Variants in ATL2 observed in about 807,000 individuals in gnomAD.
ATL2 encodes the protein atlastin GTPase 2, also known as atlastin-2.
Under a neutral mutation model 73.9 loss-of-function variants are expected in ATL2, and 31 were observed. That is an observed-to-expected ratio of 0.42 (90% CI 0.32 to 0.57). The LOEUF is 0.57. Among genes scored for constraint, ATL2 ranks in the 20% least tolerant of loss-of-function variants. ATL2 has a pLI of 0.14. For synonymous variants in ATL2, 291 were observed against 237.5 expected (o/e 1.23, Z -2.07); for missense variants, 738 against 702.6 (o/e 1.05, Z -0.57).
At chr2:38,312,184 T>C (rs1667789292) in intron 7 of ATL2, among the ~76,000 whole-genome samples, 1 of 152,162 alleles carries the variant, frequency 6.6e-6, no homozygotes, top group Non-Finnish European at 1.5e-5. Flanking sequence ...CCTGTAAGTA[T>C]CTGACCTGCA....
intron 3 of ATL2, 55 bp from the exon 4 acceptor site, chr2:38,318,694 A>T (rs1462056887): frequency 1.5e-5 from 21 of 1,415,134 alleles, no homozygotes; most frequent in Non-Finnish European, 2.0e-5. Flanking sequence ...AAATGACTAT[A>T]AAAAAAATCA....
chr2:38,325,194 T>G (rs919635899), intron 2 of ATL2, among the ~76,000 whole-genome samples: 13 of 152,170 alleles, frequency 8.5e-5, no homozygotes, highest in Non-Finnish European at 1.8e-4. Context: ...AGTTTAGAAG[T>G]CATCAGACCT....
chr2:38,342,963 C>T (rs896647190), intron 2 of ATL2, among the ~76,000 whole-genome samples: 1 of 149,988 alleles, frequency 6.7e-6, no homozygotes, highest in East Asian at 1.9e-4. Context: ...AAGTGAGACC[C>T]CCATAGCTAC....
In ATL2 at chr2:38,334,926, ATAT is replaced by A. The variant is rs1426710899; in HGVS notation, c.363+8339_363+8341del. On this transcript the variant is annotated intron_variant, in intron 2 of 12. Coordinates refer to ENST00000378954, the MANE Select transcript of ATL2 (RefSeq NM_001135673.4). ...ATTTATAATATATAAATATATTTAT[ATAT>A]TATAATATATAACATTTATATAATA... is the stretch of plus-strand genomic sequence containing the variant. Among the ~76,000 whole-genome samples the A allele has an allele frequency of 9.9e-5, 13 of 130,994 alleles. 1 individual carries two copies. The highest frequency in any genetic ancestry group is 2.2e-4 in the South Asian group (1 of 4,638). 85.9% of individuals were successfully genotyped at this position (130,994 alleles called of 152,430 possible).
intron 9 of ATL2, among the ~76,000 whole-genome samples, chr2:38,303,252 C>T (rs1667276313): frequency 6.6e-6 from 1 of 152,138 alleles, no homozygotes; most frequent in Non-Finnish European, 1.5e-5. Flanking sequence ...GTCTCCCAGA[C>T]TGGAGTGCAA....
intron 9 of ATL2, among the ~76,000 whole-genome samples, chr2:38,300,902 T>C (rs1667152441): frequency 6.6e-6 from 1 of 151,652 alleles, no homozygotes; most frequent in African/African-American, 2.4e-5. Context: ...AAAAACTAAT[T>C]TGTGGTTTAA....
Position 38,294,421 on chromosome 2 carries a change from A to T in ATL2, c.*1573T>A, listed in dbSNP as rs1478083328. ...ACATTAGCCGGGAATGGTGGCACGC[A>T]CCTGTAGTCCCAGCTACTCAGGAGG... On this transcript the variant is annotated 3_prime_UTR_variant, in exon 13 of 13. Coordinates refer to ENST00000378954, the MANE Select transcript of ATL2 (RefSeq NM_001135673.4). Among the ~76,000 whole-genome samples, 1 of 152,108 alleles carries T rather than the reference A, an allele frequency of 6.6e-6. No homozygotes were observed. Among genetic ancestry groups the T allele is most frequent in the East Asian group, 1.9e-4 (1 of 5,182 alleles).
intron 2 of ATL2, among the ~76,000 whole-genome samples, chr2:38,321,460 G>A (rs1384378409): frequency 6.6e-6 from 1 of 152,100 alleles, no homozygotes; most frequent in Admixed American, 6.6e-5. Flanking sequence ...ACCCTTCACA[G>A]GAATCAGAAG....
chr2:38,344,997 G>C (rs1371755254), intron 1 of ATL2, among the ~76,000 whole-genome samples: 2 of 152,124 alleles, frequency 1.3e-5, no homozygotes, highest in Non-Finnish European at 2.9e-5. Context: ...AAATAGCAGA[G>C]ATAAACTTCC....
chr2:38,362,834 G>T lies in ATL2; in HGVS notation c.118+14309C>A, dbSNP rs1285495601. Among the ~76,000 whole-genome samples the T allele has an allele frequency of 3.3e-5, 5 of 152,184 alleles. No homozygotes were observed. The East Asian group carries it at 9.6e-4, about 29-fold the overall frequency. On this transcript the variant is annotated intron_variant, in intron 1 of 12. Transcript: ENST00000378954. ...CAGAGAAAAGTAAAGCGAGCCAAGGGAAATGGAGGCAGGAGTTGTCATTGA... is the reference window on the plus strand; with the variant it reads ...CAGAGAAAAGTAAAGCGAGCCAAGGTAAATGGAGGCAGGAGTTGTCATTGA...
chr2:38,295,983 G>A lies in ATL2; in HGVS notation c.*11C>T, dbSNP rs780287392. ...AAAAAAAGAGAGTGGAGTCCGTGAG[G>A]AGATGAACTGTCAGTCTGTCTTTAA... On this transcript the variant is annotated 3_prime_UTR_variant, in exon 13 of 13. Transcript: ENST00000378954. 3.3e-6 allele frequency: 5 copies of A among 1,530,056 alleles called. No individual in the cohort carries two copies. Among genetic ancestry groups the A allele is most frequent in the African/African-American group, 1.4e-5 (1 of 72,464 alleles). 94.8% of individuals were successfully genotyped at this position (1,530,056 alleles called of 1,614,324 possible).
chr2:38,336,256 T>C (rs1288696703), intron 2 of ATL2, among the ~76,000 whole-genome samples: 1 of 152,226 alleles, frequency 6.6e-6, no homozygotes, highest in Non-Finnish European at 1.5e-5. Flanking sequence ...TGTGGCAAGT[T>C]ATATGTAGCA....
At chr2:38,314,965 T>A (rs1667948017) in intron 5 of ATL2, among the ~76,000 whole-genome samples, 1 of 152,240 alleles carries the variant, frequency 6.6e-6, no homozygotes, top group Non-Finnish European at 1.5e-5. Context: ...AAATATGTGC[T>A]CGCAGACGGG....
At chr2:38,345,866 T>C (rs1176018289) in intron 1 of ATL2, among the ~76,000 whole-genome samples, 1 of 152,236 alleles carries the variant, frequency 6.6e-6, no homozygotes, top group Admixed American at 6.5e-5. Flanking sequence ...AATGGGTGTG[T>C]GTCAAACAGG....
intron 2 of ATL2, among the ~76,000 whole-genome samples, chr2:38,341,806 C>G (rs1394895713): frequency 6.6e-6 from 1 of 152,170 alleles, no homozygotes; most frequent in Non-Finnish European, 1.5e-5. Context: ...TGAAAAGCTT[C>G]CTGGAAAACC....
rs566605509 is a variant in ATL2 at position 38,323,571 on chromosome 2, A to G, written c.364-4552T>C. Among the ~76,000 whole-genome samples, 5 of 152,184 alleles carry G rather than the reference A, an allele frequency of 3.3e-5. No homozygotes were observed. The South Asian group carries it at 1.0e-3, about 32-fold the overall frequency. ...GCCAAAAAGACGTTCTACATAATATAATTATCAGCAATTAAGAAACCTTAC... is the reference window on the plus strand; with the variant it reads ...GCCAAAAAGACGTTCTACATAATATGATTATCAGCAATTAAGAAACCTTAC... On this transcript the variant is annotated intron_variant, in intron 2 of 12. Transcript: ENST00000378954.
rs189535416 is a variant in ATL2 at position 38,319,121 on chromosome 2, G to A, written c.364-102C>T. On this transcript the variant is annotated intron_variant, in intron 2 of 12. Transcript: ENST00000378954. ...TTTTACAGATGGGGAAGCTAAACCC[G>A]GAAAGACAAAAAAAACACTGTGTAA... The A allele has an allele frequency of 2.6e-3, 3,238 of 1,269,626 alleles. 11 individuals are homozygous for A. Among genetic ancestry groups the A allele is most frequent in the Non-Finnish European group, 2.6e-3 (2,358 of 909,806 alleles). 78.6% of individuals were successfully genotyped at this position (1,269,626 alleles called of 1,614,324 possible).
rs557902000 is a variant in ATL2 at position 38,298,219 on chromosome 2, T to C, written c.1557A>G (p.Ala519=). The part of the protein sequence containing the change: ...GLALIFLCTW[A]YVKYSGEFRE... Reference sequence around the variant, plus strand: ...TGAACTCCCCAGAGTATTTAACATATGCCCAAGTACAAAGAAATATCAGTG... The same window carrying C: ...TGAACTCCCCAGAGTATTTAACATACGCCCAAGTACAAAGAAATATCAGTG... Residue 519 remains alanine, a synonymous_variant, in exon 12 of 13, where the codon GCA becomes GCG. Transcript: ENST00000378954. The C allele has an allele frequency of 2.5e-6, 4 of 1,614,138 alleles. No homozygotes were observed. The African/African-American group carries it at 4.0e-5, about 16-fold the overall frequency.
intron 9 of ATL2, among the ~76,000 whole-genome samples, chr2:38,303,101 T>C (rs548694482): frequency 6.6e-6 from 1 of 152,162 alleles, no homozygotes; most frequent in South Asian, 2.1e-4. Flanking sequence ...TCAGAATCCT[T>C]TCAGATAAAG....
Sources: allele counts gnomAD v4.1 joint callset (sites outside exome capture counted in the v4.1 genomes callset), GRCh38; gene constraint gnomAD v4.1.1; transcripts MANE v1.5; gene names NCBI Gene and HGNC (gene_info 2026-07-23, HGNC 2026-07-21).